SAMTOR: variants seen among roughly 807,000 people sequenced by gnomAD.
SAMTOR encodes S-adenosylmethionine sensor upstream of mTORC1.
chr7:112,890,838 A>G, the SAMTOR span, among the ~76,000 whole-genome samples: 1 of 151,988 alleles, frequency 6.6e-6, no homozygotes. Context: ...CCACAGGCAC[A>G]TGCCACTACA....
chr7:112,914,387 C>T, the SAMTOR span, among the ~76,000 whole-genome samples: 1 of 150,006 alleles, frequency 6.7e-6, no homozygotes. Flanking sequence ...GGGCAATAAG[C>T]ATAGTACCCA....
At chr7:112,833,744 T>A in the SAMTOR span, among the ~76,000 whole-genome samples, 1 of 152,206 alleles carries the variant, frequency 6.6e-6, no homozygotes, top group African/African-American at 2.4e-5. Context: ...AACTTAATCA[T>A]ATCATGGATT....
the SAMTOR span, among the ~76,000 whole-genome samples, chr7:112,912,919 C>G: frequency 6.6e-6 from 1 of 152,100 alleles, no homozygotes; most frequent in Non-Finnish European, 1.5e-5. Flanking sequence ...TATCAAAGTT[C>G]ATTTAAGAGA....
chr7:112,819,422 T>A, the SAMTOR span: 2 of 152,202 alleles, frequency 1.3e-5, no homozygotes, highest in Non-Finnish European at 2.9e-5. Context: ...GGAGTACCCA[T>A]ACAGTATTAG....
At chr7:112,826,466 T>C in the SAMTOR span, among the ~76,000 whole-genome samples, 1 of 152,162 alleles carries the variant, frequency 6.6e-6, no homozygotes, top group Non-Finnish European at 1.5e-5. Context: ...TTCAAAATAT[T>C]TTCTTATACT....
At chr7:112,939,808 G>A in the SAMTOR span, 126,202 of 1,375,224 alleles carry the variant, frequency 0.092, 6,491 homozygotes, top group South Asian at 0.13. Flanking sequence ...TCCCCAGATG[G>A]AGGAGGTGGG....
chr7:112,873,713 T>C, the SAMTOR span, among the ~76,000 whole-genome samples: 224 of 152,206 alleles, frequency 1.5e-3, 2 homozygotes, highest in Middle Eastern at 6.8e-3. Context: ...AACTGACAAG[T>C]GGAACCTAAT....
At chr7:112,873,539 C>A in the SAMTOR span, among the ~76,000 whole-genome samples, 518 of 152,246 alleles carry the variant, frequency 3.4e-3, 2 homozygotes, top group African/African-American at 0.012. Context: ...TGGACCCTTA[C>A]CTCTCAGCAT....
At chr7:112,845,868 T>C in the SAMTOR span, among the ~76,000 whole-genome samples, 1 of 151,240 alleles carries the variant, frequency 6.6e-6, no homozygotes, top group African/African-American at 2.4e-5. Flanking sequence ...ATAAAGAAAA[T>C]GGAATAGTAT....
At chr7:112,832,710 T>C in the SAMTOR span, 1 of 1,277,182 alleles carries the variant, frequency 7.8e-7, no homozygotes, top group Non-Finnish European at 1.1e-6. Context: ...CAAAATCAAA[T>C]ATGAGAATGT....
At chr7:112,823,131 C>G in the SAMTOR span, among the ~76,000 whole-genome samples, 1 of 152,152 alleles carries the variant, frequency 6.6e-6, no homozygotes, top group Admixed American at 6.5e-5. Context: ...TAATCCCTCA[C>G]TCATGTTAGT....
the SAMTOR span, among the ~76,000 whole-genome samples, chr7:112,930,442 G>A: frequency 6.6e-6 from 1 of 151,542 alleles, no homozygotes; most frequent in African/African-American, 2.4e-5. Context: ...CTCTAATGTG[G>A]GAAGAAAACA....
chr7:112,900,696 T>G, the SAMTOR span, among the ~76,000 whole-genome samples: 1 of 151,774 alleles, frequency 6.6e-6, no homozygotes, highest in African/African-American at 2.4e-5. Context: ...GACAAATACA[T>G]CAATGGAACA....
chr7:112,900,982 A>G, the SAMTOR span, among the ~76,000 whole-genome samples: 1 of 152,268 alleles, frequency 6.6e-6, no homozygotes. Flanking sequence ...GGGTATGGTG[A>G]TGACTTTTTA....
At chr7:112,894,787 G>A in the SAMTOR span, among the ~76,000 whole-genome samples, 1 of 152,086 alleles carries the variant, frequency 6.6e-6, no homozygotes, top group Admixed American at 6.5e-5. Context: ...GATTTGGGTG[G>A]GGACACAATT....
chr7:112,930,972 G>C, the SAMTOR span, among the ~76,000 whole-genome samples: 1 of 152,164 alleles, frequency 6.6e-6, no homozygotes, highest in East Asian at 1.9e-4. Context: ...TGCAACAGAG[G>C]AAAGTACACA....
the SAMTOR span, among the ~76,000 whole-genome samples, chr7:112,849,880 TATATGAA>T: frequency 1.3e-5 from 2 of 152,330 alleles, no homozygotes; most frequent in East Asian, 3.9e-4. Flanking sequence ...TAATTCTTTT[TATATGAA>T]TGACATTTAT....
At chr7:112,876,298 A>G in the SAMTOR span, among the ~76,000 whole-genome samples, 1 of 152,212 alleles carries the variant, frequency 6.6e-6, no homozygotes, top group Middle Eastern at 3.4e-3. Context: ...TGATTTTTGA[A>G]CGTGTTTCTT....
At chr7:112,893,001 A>C in the SAMTOR span, among the ~76,000 whole-genome samples, 1 of 152,126 alleles carries the variant, frequency 6.6e-6, no homozygotes, top group Non-Finnish European at 1.5e-5. Context: ...ATATTCCGTA[A>C]ACTATTCTTT....
Sources: gnomAD v4.1 joint callset for allele counts (sites outside exome capture counted in the v4.1 genomes callset) on GRCh38, gnomAD v4.1.1 for gene constraint, MANE v1.5 for transcripts, NCBI Gene and HGNC (gene_info 2026-07-23, HGNC 2026-07-21) for gene names.